Variants in NAALADL2 observed in about 807,000 individuals in gnomAD.
The protein encoded by NAALADL2 is N-acetylated alpha-linked acidic dipeptidase like 2, also known as inactive N-acetylated-alpha-linked acidic dipeptidase-like protein 2.
NAALADL2 carries 76 observed loss-of-function variants against 87.2 expected under a neutral mutation model. The observed-to-expected ratio is 0.87, with a 90% confidence interval of 0.72 to 1.05. The LOEUF (loss-of-function observed/expected upper bound fraction) is 1.05. Ranked by LOEUF, NAALADL2 falls within the 50% of genes least tolerant of loss-of-function variation. NAALADL2 has a pLI of 0.00. For missense variants in NAALADL2, 1,089 were observed against 945.8 expected (o/e 1.15, Z -1.99); for synonymous variants, 354 against 331.0 (o/e 1.07, Z -0.75).
chr3:174,830,106 A>C (rs1427784047), intron 3 of NAALADL2, among the ~76,000 whole-genome samples: 1 of 124,922 alleles, frequency 8.0e-6, no homozygotes, highest in Non-Finnish European at 1.7e-5. Flanking sequence ...GCTGTGCAGA[A>C]GCTCTTTAGT....
Position 174,991,172 on chromosome 3 carries a change from G to C in NAALADL2, c.44-105618G>C, listed in dbSNP as rs184086947. On this transcript the variant is annotated intron_variant, in intron 1 of 13. Coordinates refer to ENST00000454872, the MANE Select transcript of NAALADL2 (RefSeq NM_207015.3). ...TTCAATTGACATTCCTGTATATTTA[G>C]TCTTCATTCATTCAATAAGTTATTA... 2.2e-3 allele frequency among the ~76,000 whole-genome samples: 331 copies of C among 152,122 alleles called. 1 individual carries two copies. Among genetic ancestry groups the C allele is most frequent in the African/African-American group, 7.4e-3 (309 of 41,506 alleles).
chr3:175,768,639 C>T (rs983087355), intron 13 of NAALADL2, among the ~76,000 whole-genome samples: 12 of 152,148 alleles, frequency 7.9e-5, no homozygotes, highest in African/African-American at 2.9e-4. Context: ...CACTTGAGGT[C>T]GGGAATTTGA....
intron 1 of NAALADL2, among the ~76,000 whole-genome samples, chr3:175,039,795 C>T (rs1030620722): frequency 2.0e-5 from 3 of 152,064 alleles, no homozygotes; most frequent in African/African-American, 7.2e-5. Context: ...TTCCATTTTT[C>T]CAAAGCAATT....
chr3:175,305,244 TTGTGTA>T (rs1336011914), intron 4 of NAALADL2, among the ~76,000 whole-genome samples: 5 of 131,658 alleles, frequency 3.8e-5, no homozygotes, highest in African/African-American at 1.7e-4. Flanking sequence ...GTGTGTGTGT[TTGTGTA>T]TGTGTGTGTG....
At chr3:174,845,997 G>A (rs1724578335) in intron 3 of NAALADL2, among the ~76,000 whole-genome samples, 1 of 152,126 alleles carries the variant, frequency 6.6e-6, no homozygotes, top group South Asian at 2.1e-4. Context: ...GCATACGATG[G>A]GGGTTTCTGC....
chr3:174,577,547 T>C (rs1005421063), intron 2 of NAALADL2, among the ~76,000 whole-genome samples: 21 of 152,132 alleles, frequency 1.4e-4, no homozygotes, highest in Non-Finnish European at 8.8e-5. Flanking sequence ...CTCTGGACTA[T>C]GAAAAATGAC....
chr3:175,485,679 C>A (rs1727154643), intron 9 of NAALADL2, among the ~76,000 whole-genome samples: 1 of 152,110 alleles, frequency 6.6e-6, no homozygotes, highest in South Asian at 2.1e-4. Flanking sequence ...CCTTCATCTT[C>A]CTGCTTTTTC....
At chr3:175,205,736 A>T (rs4894481) in intron 2 of NAALADL2, among the ~76,000 whole-genome samples, 67,803 of 151,712 alleles carry the variant, frequency 0.45, 16,786 homozygotes, top group Non-Finnish European at 0.55. Flanking sequence ...TAACAAACTC[A>T]AAAAAATCAG....
At chr3:175,635,814 C>T (rs571624175) in intron 11 of NAALADL2, among the ~76,000 whole-genome samples, 23 of 152,082 alleles carry the variant, frequency 1.5e-4, no homozygotes, top group South Asian at 4.1e-4. Context: ...AGTACAGAGA[C>T]GAAGGGCAGA....
intron 3 of NAALADL2, among the ~76,000 whole-genome samples, chr3:174,845,557 C>T (rs1724526978): frequency 6.6e-6 from 1 of 152,324 alleles, no homozygotes; most frequent in East Asian, 1.9e-4. Context: ...ACTTTACAAT[C>T]TCTCCAGTGG....
chr3:175,051,973 G>T (rs1432792773), intron 1 of NAALADL2, among the ~76,000 whole-genome samples: 1 of 152,198 alleles, frequency 6.6e-6, no homozygotes, highest in East Asian at 1.9e-4. Context: ...ACACACACAG[G>T]AATATAGAGG....
chr3:175,355,020 A>ATGTG (rs1325977007), intron 5 of NAALADL2, among the ~76,000 whole-genome samples: 109 of 100,654 alleles, frequency 1.1e-3, no homozygotes, highest in African/African-American at 3.9e-3. Context: ...TGCTATATAT[A>ATGTG]TATGTGTGTG....
At chr3:175,528,066 G>A (rs986853768) in intron 9 of NAALADL2, among the ~76,000 whole-genome samples, 13 of 152,050 alleles carry the variant, frequency 8.5e-5, no homozygotes, top group Non-Finnish European at 1.9e-4. Flanking sequence ...AGCACTTTTG[G>A]TTGGTGAAGT....
chr3:174,964,153 T>A (rs1560419428), intron 1 of NAALADL2, among the ~76,000 whole-genome samples: 1 of 152,152 alleles, frequency 6.6e-6, no homozygotes, highest in Non-Finnish European at 1.5e-5. Flanking sequence ...GTTATTCATT[T>A]ACAAAAATTT....
intron 2 of NAALADL2, among the ~76,000 whole-genome samples, chr3:174,605,186 C>G (rs1423280869): frequency 1.3e-5 from 2 of 152,160 alleles, no homozygotes; most frequent in Non-Finnish European, 2.9e-5. Flanking sequence ...GGGGTCGAGC[C>G]AAGATGGCCG....
chr3:174,472,572 C>G (rs1054962078), intron 1 of NAALADL2, among the ~76,000 whole-genome samples: 25 of 152,160 alleles, frequency 1.6e-4, no homozygotes, highest in African/African-American at 6.0e-4. Flanking sequence ...TGTGTCTTTG[C>G]TTTACTATGT....
chr3:174,607,131 C>T (rs1000572325), intron 2 of NAALADL2, among the ~76,000 whole-genome samples: 1 of 151,926 alleles, frequency 6.6e-6, no homozygotes, highest in South Asian at 2.1e-4. Flanking sequence ...GATTTTGTCA[C>T]CACCAGGCCT....
intron 2 of NAALADL2, among the ~76,000 whole-genome samples, chr3:174,621,368 C>A (rs1213471070): frequency 1.3e-5 from 2 of 152,020 alleles, no homozygotes; most frequent in African/African-American, 2.4e-5. Flanking sequence ...CATTTTCTGA[C>A]AGATTAGAGA....
chr3:175,315,901 G>A (rs974703712), intron 4 of NAALADL2, among the ~76,000 whole-genome samples: 21 of 151,964 alleles, frequency 1.4e-4, no homozygotes, highest in Non-Finnish European at 2.9e-4. Context: ...ATGTTTTGGG[G>A]GGAGAATATA....
Sources: allele counts gnomAD v4.1 joint callset (sites outside exome capture counted in the v4.1 genomes callset), GRCh38; gene constraint gnomAD v4.1.1; transcripts MANE v1.5; gene names NCBI Gene and HGNC (gene_info 2026-07-23, HGNC 2026-07-21).